TSNARE1: variants seen among roughly 807,000 people sequenced by gnomAD.
TSNARE1 encodes t-SNARE domain containing 1.
A neutral mutation model predicts 62.0 loss-of-function variants in TSNARE1; 49 were observed. The ratio of observed to expected loss-of-function variants is 0.79; its 90% CI spans 0.63 to 1.00. The LOEUF is 1.00. Ranked by LOEUF, TSNARE1 falls within the 50% of genes least tolerant of loss-of-function variation. TSNARE1 has a pLI of 0.00. For synonymous variants in TSNARE1, 328 were observed against 294.4 expected, an observed-to-expected ratio of 1.11 and a Z score of -1.17; for missense variants, 755 against 700.1, an observed-to-expected ratio of 1.08 and a Z score of -0.88.
At chr8:142,267,693 TG>T (rs1344887630) in intron 12 of TSNARE1, among the ~76,000 whole-genome samples, 1 of 152,166 alleles carries the variant, frequency 6.6e-6, no homozygotes, top group East Asian at 1.9e-4. Flanking sequence ...AAACACACCT[TG>T]GAAGGCCCTG....
chr8:142,215,634 T>C (rs1417483375), intron 13 of TSNARE1, among the ~76,000 whole-genome samples: 1 of 151,830 alleles, frequency 6.6e-6, no homozygotes, highest in African/African-American at 2.4e-5. Flanking sequence ...CTCCCTGCCC[T>C]CACACCTGGA....
chr8:142,275,843 G>A, intron 11 of TSNARE1: 1 of 868,184 alleles, frequency 1.2e-6, no homozygotes, highest in Non-Finnish European at 1.4e-6. Context: ...ACTGCTGCCA[G>A]GCACAGCCTG....
chr8:142,260,449 C>T (rs1457953510), intron 12 of TSNARE1, among the ~76,000 whole-genome samples: 1 of 152,176 alleles, frequency 6.6e-6, no homozygotes, highest in African/African-American at 2.4e-5. Context: ...GTCCTCTGTC[C>T]TCCCTTGGGG....
At chr8:142,269,616 A>C in intron 12 of TSNARE1, 2 of 985,332 alleles carry the variant, frequency 2.0e-6, no homozygotes, top group Non-Finnish European at 2.4e-6. Flanking sequence ...GGCATGAGCC[A>C]CTGTGCCCAG....
intron 9 of TSNARE1, among the ~76,000 whole-genome samples, chr8:142,306,665 C>T (rs1181619925): frequency 6.6e-6 from 1 of 152,230 alleles, no homozygotes; most frequent in Non-Finnish European, 1.5e-5. Context: ...CCCCCAGTCC[C>T]CCCACATCAG....
At chr8:142,222,062 G>C (rs796423463) in intron 13 of TSNARE1, among the ~76,000 whole-genome samples, 1,902 of 28,768 alleles carry the variant, frequency 0.066, 1 homozygote, top group South Asian at 0.076. Flanking sequence ...CTCACTCACT[G>C]ATTCACTCAC....
chr8:142,262,123 G>T (rs368564497), intron 12 of TSNARE1, among the ~76,000 whole-genome samples: 12 of 152,346 alleles, frequency 7.9e-5, no homozygotes, highest in African/African-American at 2.4e-4. Flanking sequence ...CGGCGACTCC[G>T]TGGTGGGACA....
At chr8:142,256,244 C>A (rs796880309) in intron 12 of TSNARE1, among the ~76,000 whole-genome samples, 1 of 126,586 alleles carries the variant, frequency 7.9e-6, no homozygotes, top group Non-Finnish European at 1.7e-5. Flanking sequence ...ACCACCATCA[C>A]CATCACCATC....
intron 10 of TSNARE1, among the ~76,000 whole-genome samples, chr8:142,288,028 G>A (rs1823060198): frequency 6.6e-6 from 1 of 152,278 alleles, no homozygotes; most frequent in Admixed American, 6.5e-5. Flanking sequence ...CCATCAATCT[G>A]CTTCCCATGA....
intron 1 of TSNARE1, among the ~76,000 whole-genome samples, chr8:142,380,994 A>G (rs1302603113): frequency 2.6e-5 from 4 of 152,190 alleles, no homozygotes; most frequent in African/African-American, 7.2e-5. Context: ...GCCTCCCAGC[A>G]TCACCCACAG....
chr8:142,328,827 GGA>G (rs143120096), intron 6 of TSNARE1, among the ~76,000 whole-genome samples: 29,539 of 105,248 alleles, frequency 0.28, 4,057 homozygotes, highest in South Asian at 0.36. Flanking sequence ...TTGGGGGGGG[GGA>G]GGGTTCCGCA....
chr8:142,344,192 C>T lies in TSNARE1; in HGVS notation c.519G>A (p.Ala173=), dbSNP rs61741289. Residue 173 remains alanine, a synonymous_variant, in exon 4 of 14, where the codon GCG becomes GCA. Coordinates refer to ENST00000524325, the MANE Select transcript of TSNARE1 (RefSeq NM_145003.5). ...CAACGTCGCGGCGACAGTAGCCCAG[C>T]GCATTCACGGCCTGCAGGATGCGGC... The part of the protein sequence containing the change: ...VWSRILQAVN[A]LGYCRRDVVD... 10,988 of 1,613,526 alleles carry T rather than the reference C, an allele frequency of 6.8e-3. 303 individuals are homozygous for T. Among genetic ancestry groups the T allele is most frequent in the South Asian group, 0.053 (4,864 of 91,078 alleles).
At chr8:142,363,670 A>G (rs940234870) in intron 1 of TSNARE1, among the ~76,000 whole-genome samples, 2 of 152,146 alleles carry the variant, frequency 1.3e-5, no homozygotes, top group African/African-American at 2.4e-5. Context: ...TCCCCACAGG[A>G]GCCTTCAAGC....
intron 4 of TSNARE1, among the ~76,000 whole-genome samples, chr8:142,338,053 A>T (rs1832016249): frequency 6.6e-6 from 1 of 152,162 alleles, no homozygotes; most frequent in Admixed American, 6.5e-5. Flanking sequence ...TCTTCACACC[A>T]TCTGAGCAAC....
chr8:142,251,001 G>A (rs890947172), intron 12 of TSNARE1, among the ~76,000 whole-genome samples: 10 of 152,308 alleles, frequency 6.6e-5, no homozygotes, highest in South Asian at 2.1e-4. Flanking sequence ...AGGGAGCAGC[G>A]GGCTGTCATG....
intron 11 of TSNARE1, chr8:142,277,777 G>A: frequency 1.0e-6 from 1 of 985,396 alleles, no homozygotes; most frequent in Non-Finnish European, 1.2e-6. Flanking sequence ...AGAAGTCGAG[G>A]CTGGGTCTCA....
intron 1 of TSNARE1, among the ~76,000 whole-genome samples, chr8:142,384,601 T>C (rs1050320297): frequency 1.3e-5 from 2 of 152,200 alleles, no homozygotes; most frequent in Non-Finnish European, 2.9e-5. Flanking sequence ...TTTCAACAAA[T>C]GGTGCTGGAA....
chr8:142,400,396 A>G (rs1415254333), intron 1 of TSNARE1, among the ~76,000 whole-genome samples: 1 of 149,890 alleles, frequency 6.7e-6, no homozygotes, highest in African/African-American at 2.5e-5. Flanking sequence ...CAGTGAACCA[A>G]GATTGCACCA....
At chr8:142,223,909 G>C (rs1816655533) in intron 13 of TSNARE1, among the ~76,000 whole-genome samples, 1 of 79,016 alleles carries the variant, frequency 1.3e-5, no homozygotes, top group Non-Finnish European at 2.9e-5. Flanking sequence ...AGCCACATCT[G>C]AGAAACCTGG....
Sources: allele counts gnomAD v4.1 joint callset (sites outside exome capture counted in the v4.1 genomes callset), GRCh38; gene constraint gnomAD v4.1.1; transcripts MANE v1.5; gene names NCBI Gene and HGNC (gene_info 2026-07-23, HGNC 2026-07-21).